ECT2L: variants seen among roughly 807,000 people sequenced by gnomAD.
The protein encoded by ECT2L is epithelial cell-transforming sequence 2 oncogene-like.
A neutral mutation model predicts 122.8 loss-of-function variants in ECT2L; 126 were observed. The ratio of observed to expected loss-of-function variants is 1.03; its 90% CI spans 0.89 to 1.19. ECT2L has a LOEUF of 1.19. ECT2L is among the 50% of genes most tolerant of loss of function. The probability of loss-of-function intolerance (pLI) is 0.00; values close to 1 mark genes in which losing one functional copy is unlikely to be tolerated. For missense variants in ECT2L, 1,012 were observed against 1,064.1 expected, an observed-to-expected ratio of 0.95 and a Z score of 0.68; for synonymous variants, 385 against 381.8, an observed-to-expected ratio of 1.01 and a Z score of -0.10.
chr6:138,854,959 A>T (rs2128395669), intron 10 of ECT2L, among the ~76,000 whole-genome samples: 1 of 152,282 alleles, frequency 6.6e-6, no homozygotes, highest in East Asian at 1.9e-4. Flanking sequence ...ATGTGAAATT[A>T]AATTTTCTCA....
intron 12 of ECT2L, among the ~76,000 whole-genome samples, chr6:138,867,580 C>G (rs1187462547): frequency 6.8e-6 from 1 of 146,582 alleles, no homozygotes; most frequent in Non-Finnish European, 1.5e-5. Flanking sequence ...GAGGCCAAGG[C>G]AGGAGGATCA....
chr6:138,849,491 CCA>C, intron 9 of ECT2L, 57 bp downstream of exon 9: 1 of 1,506,638 alleles, frequency 6.6e-7, no homozygotes, highest in Non-Finnish European at 8.9e-7. Flanking sequence ...TGCACTTTGT[CCA>C]CAGTGTGACT....
At position 138,806,154 on chromosome 6, in the gene ECT2L, A is replaced by T. The variant is rs983105379; in HGVS notation, c.-243-6684A>T. Among the ~76,000 whole-genome samples the T allele has an allele frequency of 2.0e-5, 3 of 152,174 alleles. No homozygotes were observed. The South Asian group carries it at 6.2e-4, about 32-fold the overall frequency. The stretch of plus-strand genomic sequence containing the variant: ...GTTCATAACTCCTCTCAATCTGGAG[A>T]CCTGTGAGCTCAAAAGACACATTAT... On this transcript the variant is annotated intron_variant, in intron 1 of 21. Transcript: ENST00000541398.
chr6:138,816,138 G>A (rs193182308), intron 4 of ECT2L, among the ~76,000 whole-genome samples: 17 of 152,324 alleles, frequency 1.1e-4, no homozygotes, highest in African/African-American at 3.6e-4. Context: ...CAGCTTTCAA[G>A]ATAAGAAAAT....
At chr6:138,825,195 C>G (rs895114460) in intron 4 of ECT2L, among the ~76,000 whole-genome samples, 1 of 152,174 alleles carries the variant, frequency 6.6e-6, no homozygotes, top group African/African-American at 2.4e-5. Context: ...CAGAGAATGA[C>G]TGTTCTATCT....
At chr6:138,851,656 T>TA (rs1562474650) in intron 9 of ECT2L, among the ~76,000 whole-genome samples, 3 of 152,118 alleles carry the variant, frequency 2.0e-5, no homozygotes, top group African/African-American at 7.2e-5. Flanking sequence ...TGCACATTTT[T>TA]AAAAATTGGG....
At position 138,873,623 on chromosome 6, in the gene ECT2L, G is replaced by A. The variant is rs552460831; in HGVS notation, c.1579-2849G>A. Among the ~76,000 whole-genome samples the A allele has an allele frequency of 3.3e-5, 5 of 152,156 alleles. No homozygotes were observed. In the South Asian group the frequency reaches 8.3e-4, roughly 25 times the overall value. Reference sequence around the variant, plus strand: ...AGTCTGGCCAACAAGGTGAAACCCCGTCTCTACTAAAAATACAAAAATTAG... The same window carrying A: ...AGTCTGGCCAACAAGGTGAAACCCCATCTCTACTAAAAATACAAAAATTAG... On this transcript the variant is annotated intron_variant, in intron 13 of 21. Transcript: ENST00000541398.
intron 21 of ECT2L, 46 bp from the exon 22 acceptor site, chr6:138,902,454 T>C (rs555412408): frequency 5.4e-4 from 827 of 1,541,854 alleles, no homozygotes; most frequent in Non-Finnish European, 6.6e-4. Context: ...CTCATTTTGA[T>C]TGTTATCTGC....
At chr6:138,799,399 A>G (rs531595851) in intron 1 of ECT2L, among the ~76,000 whole-genome samples, 20 of 151,486 alleles carry the variant, frequency 1.3e-4, no homozygotes, top group East Asian at 3.9e-4. Context: ...GACTACAGGC[A>G]CCCGCCACCA....
At chr6:138,848,741 C>T (rs545737693) in intron 8 of ECT2L, among the ~76,000 whole-genome samples, 433 of 152,268 alleles carry the variant, frequency 2.8e-3, no homozygotes, top group South Asian at 7.9e-3. Flanking sequence ...TGGTGGCTTA[C>T]ACCTATAATC....
Position 138,876,558 on chromosome 6 carries a change from G to A in ECT2L, c.1665G>A (p.Leu555=), listed in dbSNP as rs1176399537. Residue 555 remains leucine (L), a splice_region_variant and synonymous_variant, in exon 14 of 22, where the codon CTG becomes CTA. Transcript: ENST00000541398. ...NDLNFEALIN[L]ERILQKDSAE... ...TAAATTTTGAAGCACTGATTAATCTGGTAAGCTATTATATAATGTAACTTT... is the reference window on the plus strand; with the variant it reads ...TAAATTTTGAAGCACTGATTAATCTAGTAAGCTATTATATAATGTAACTTT... 6.3e-7 allele frequency: 1 copy of A among 1,598,656 alleles called. No homozygotes were observed. The highest frequency in any genetic ancestry group is 1.7e-5 in the Admixed American group (1 of 59,780).
intron 4 of ECT2L, among the ~76,000 whole-genome samples, chr6:138,817,833 A>G: frequency 6.6e-6 from 1 of 152,194 alleles, no homozygotes; most frequent in East Asian, 1.9e-4. Flanking sequence ...ATGCCTAGCA[A>G]CTTTATACCT....
At chr6:138,884,765 A>T (rs1423463668) in intron 16 of ECT2L, among the ~76,000 whole-genome samples, 1 of 152,184 alleles carries the variant, frequency 6.6e-6, no homozygotes. Context: ...ATCTTACTAT[A>T]CTGAAATAAC....
intron 5 of ECT2L, among the ~76,000 whole-genome samples, chr6:138,839,213 GAACA>G (rs1315876953): frequency 6.6e-5 from 10 of 152,186 alleles, no homozygotes; most frequent in East Asian, 1.9e-4. Flanking sequence ...ATCTGTTAAA[GAACA>G]TACATTGAGA....
chr6:138,810,556 A>G (rs918771376), intron 1 of ECT2L, among the ~76,000 whole-genome samples: 1 of 152,240 alleles, frequency 6.6e-6, no homozygotes, highest in African/African-American at 2.4e-5. Flanking sequence ...AATTTGGGAT[A>G]TATTTTGAGA....
At chr6:138,885,413 C>A in intron 16 of ECT2L, 93 bp from the exon 17 acceptor site, 1 of 1,263,040 alleles carries the variant, frequency 7.9e-7, no homozygotes, top group Non-Finnish European at 1.1e-6. Flanking sequence ...TGCCCTTTTG[C>A]TTCAGGCATT....
intron 20 of ECT2L, among the ~76,000 whole-genome samples, chr6:138,890,289 CA>C (rs1778970935): frequency 6.6e-6 from 1 of 151,950 alleles, no homozygotes; most frequent in African/African-American, 2.4e-5. Context: ...TTAATTTGTT[CA>C]ACTCCAATAA....
chr6:138,816,578 G>A (rs552309122), intron 4 of ECT2L, among the ~76,000 whole-genome samples: 12 of 152,126 alleles, frequency 7.9e-5, no homozygotes, highest in African/African-American at 2.9e-4. Flanking sequence ...TCTGCCCCCG[G>A]GGTTCATGCC....
chr6:138,903,582 A>G lies in ECT2L; in HGVS notation c.*955A>G, dbSNP rs1375758954. The G allele has an allele frequency of 2.6e-5, 4 of 152,208 alleles. No homozygotes were observed. Among genetic ancestry groups the G allele is most frequent in the African/African-American group, 4.8e-5 (2 of 41,456 alleles). The allele number at this position is 152,208 out of a possible 1,614,324, so 9.4% of individuals were successfully genotyped here. On this transcript the variant is annotated 3_prime_UTR_variant, in exon 22 of 22. Coordinates refer to ENST00000541398, the MANE Select transcript of ECT2L (RefSeq NM_001077706.3). ...TTTGACATTGTTAAATTAGAAGGCT[A>G]TTTTTAAAAAGCATATTTTAAAAAA... is the stretch of plus-strand genomic sequence containing the variant.
Sources: gnomAD v4.1 joint callset for allele counts (sites outside exome capture counted in the v4.1 genomes callset) on GRCh38, gnomAD v4.1.1 for gene constraint, MANE v1.5 for transcripts, NCBI Gene and HGNC (gene_info 2026-07-23, HGNC 2026-07-21) for gene names.